The following CHRM3 variants were observed in gnomAD, a reference collection of about 807,000 sequenced individuals.
CHRM3 encodes cholinergic receptor muscarinic 3.
A neutral mutation model predicts 41.8 loss-of-function variants in CHRM3; 11 were observed. The ratio of observed to expected loss-of-function variants is 0.26; its 90% CI spans 0.17 to 0.44. The LOEUF (loss-of-function observed/expected upper bound fraction) is 0.44, where lower values mean the gene tolerates loss of function less well. Among genes scored for constraint, CHRM3 ranks in the 20% least tolerant of loss-of-function variants. The pLI is 1.00. For missense variants in CHRM3, 571 were observed against 745.4 expected (o/e 0.77, Z 2.72); for synonymous variants, 297 against 301.4 (o/e 0.99, Z 0.15).
intron 2 of CHRM3, among the ~76,000 whole-genome samples, chr1:239,533,362 A>C (rs1657850925): frequency 6.6e-6 from 1 of 152,060 alleles, no homozygotes; most frequent in African/African-American, 2.4e-5. Context: ...GGAAACTTAC[A>C]ATCATGGCAG....
At chr1:239,755,408 C>G (rs1186748281) in intron 5 of CHRM3, among the ~76,000 whole-genome samples, 3 of 151,696 alleles carry the variant, frequency 2.0e-5, no homozygotes, top group Non-Finnish European at 4.4e-5. Context: ...GATTTTTATG[C>G]CGATAATGGA....
At chr1:239,851,600 C>A (rs549120387) in intron 6 of CHRM3, among the ~76,000 whole-genome samples, 1 of 152,222 alleles carries the variant, frequency 6.6e-6, no homozygotes, top group South Asian at 2.1e-4. Flanking sequence ...GTATTAAACA[C>A]CCACAGCCCT....
chr1:239,609,761 A>G (rs572049487), intron 3 of CHRM3, among the ~76,000 whole-genome samples: 1 of 152,058 alleles, frequency 6.6e-6, no homozygotes. Context: ...CTTTTCATAT[A>G]CTTAGTTAGC....
At chr1:239,492,638 G>A (rs1667629078) in intron 1 of CHRM3, 71 bp from the exon 2 acceptor site, 1 of 152,180 alleles carries the variant, frequency 6.6e-6, no homozygotes. Context: ...GACGAACTCA[G>A]CTGATAAGAA....
chr1:239,712,441 G>A (rs1286328240), intron 5 of CHRM3, among the ~76,000 whole-genome samples: 3 of 152,176 alleles, frequency 2.0e-5, no homozygotes, highest in Non-Finnish European at 4.4e-5. Context: ...AGTTGAAAAT[G>A]ACAAAATTCA....
intron 1 of CHRM3, among the ~76,000 whole-genome samples, chr1:239,448,474 T>C (rs1664310663): frequency 6.6e-6 from 1 of 152,288 alleles, no homozygotes; most frequent in Non-Finnish European, 1.5e-5. Flanking sequence ...AATGAATTAT[T>C]GTGCGAAGTT....
intron 5 of CHRM3, among the ~76,000 whole-genome samples, chr1:239,752,149 G>A (rs1665881694): frequency 6.6e-6 from 1 of 152,174 alleles, no homozygotes; most frequent in Non-Finnish European, 1.5e-5. Context: ...ATATGCAAAA[G>A]GCAAAAGAAT....
At chr1:239,565,863 A>G (rs147480616) in intron 3 of CHRM3, among the ~76,000 whole-genome samples, 9 of 151,722 alleles carry the variant, frequency 5.9e-5, no homozygotes, top group African/African-American at 1.9e-4. Flanking sequence ...TTAAAACACC[A>G]CATGAGAAAC....
chr1:239,514,079 A>T (rs1669100001), intron 2 of CHRM3, among the ~76,000 whole-genome samples: 2 of 152,154 alleles, frequency 1.3e-5, no homozygotes. Context: ...CCAGTCCTCC[A>T]GGTTTGTTCT....
At chr1:239,875,711 T>G (rs916938078) in intron 6 of CHRM3, among the ~76,000 whole-genome samples, 1 of 152,328 alleles carries the variant, frequency 6.6e-6, no homozygotes, top group East Asian at 1.9e-4. Flanking sequence ...CCCCACATTG[T>G]TGGTCTTCAA....
intron 5 of CHRM3, among the ~76,000 whole-genome samples, chr1:239,716,593 T>C (rs536131316): frequency 6.6e-6 from 1 of 152,058 alleles, no homozygotes; most frequent in African/African-American, 2.4e-5. Flanking sequence ...AGCTAAACAG[T>C]GTGACTCTCA....
chr1:239,445,102 G>A (rs10925887), intron 1 of CHRM3, among the ~76,000 whole-genome samples: 35,459 of 152,090 alleles, frequency 0.23, 4,344 homozygotes, highest in Middle Eastern at 0.31. Flanking sequence ...TGAAGAATAT[G>A]TGAAACTTGA....
chr1:239,569,492 G>A (rs1008172831), intron 3 of CHRM3, among the ~76,000 whole-genome samples: 13 of 152,062 alleles, frequency 8.5e-5, no homozygotes, highest in Non-Finnish European at 1.9e-4. Context: ...CAAATTAGTA[G>A]GAAATACATT....
chr1:239,528,488 C>T (rs780021538), intron 2 of CHRM3, among the ~76,000 whole-genome samples: 5 of 152,208 alleles, frequency 3.3e-5, no homozygotes, highest in Admixed American at 6.5e-5. Flanking sequence ...AATCCAACTA[C>T]AGTACATTCC....
At chr1:239,509,799 T>C (rs1234406459) in intron 2 of CHRM3, among the ~76,000 whole-genome samples, 1 of 152,060 alleles carries the variant, frequency 6.6e-6, no homozygotes, top group Non-Finnish European at 1.5e-5. Flanking sequence ...AATTAACAAG[T>C]TTTAAGGGCC....
intron 5 of CHRM3, among the ~76,000 whole-genome samples, chr1:239,822,063 C>A (rs1672097826): frequency 6.6e-6 from 1 of 152,206 alleles, no homozygotes. Context: ...TCAATTAAAC[C>A]TCTTTCCTTT....
chr1:239,824,742 T>C (rs1376343497), intron 5 of CHRM3, among the ~76,000 whole-genome samples: 2 of 152,192 alleles, frequency 1.3e-5, no homozygotes, highest in Non-Finnish European at 2.9e-5. Context: ...TCACCAGTTA[T>C]AAAAAGTTAT....
At chr1:239,443,763 T>C (rs1264646802) in intron 1 of CHRM3, among the ~76,000 whole-genome samples, 1 of 152,198 alleles carries the variant, frequency 6.6e-6, no homozygotes, top group African/African-American at 2.4e-5. Context: ...TTTTCTTCAT[T>C]TTAGCATTAG....
At chr1:239,663,141 C>T (rs994073377) in intron 4 of CHRM3, among the ~76,000 whole-genome samples, 1 of 151,974 alleles carries the variant, frequency 6.6e-6, no homozygotes, top group Non-Finnish European at 1.5e-5. Context: ...GATGTTAGGG[C>T]TGAGGAGGTG....
Sources: gnomAD v4.1 joint callset for allele counts (sites outside exome capture counted in the v4.1 genomes callset) on GRCh38, gnomAD v4.1.1 for gene constraint, MANE v1.5 for transcripts, NCBI Gene and HGNC (gene_info 2026-07-23, HGNC 2026-07-21) for gene names.